Variants in ADGRB3 observed in about 807,000 individuals in gnomAD.
The protein encoded by ADGRB3 is adhesion G protein-coupled receptor B3.
ADGRB3 carries 37 observed loss-of-function variants against 193.4 expected under a neutral mutation model. The observed-to-expected ratio is 0.19, with a 90% CI of 0.15 to 0.25. ADGRB3 has a LOEUF of 0.25. Ranked by LOEUF, ADGRB3 falls within the 10% of genes least tolerant of loss-of-function variation. The probability of loss-of-function intolerance (pLI) is 1.00; values close to 1 mark genes in which losing one functional copy is unlikely to be tolerated. For synonymous variants in ADGRB3, 690 were observed against 644.2 expected, an observed-to-expected ratio of 1.07 and a Z score of -1.08; for missense variants, 1,637 against 1,852.9, an observed-to-expected ratio of 0.88 and a Z score of 2.14.
chr6:68,892,696 T>C (rs1233378126), intron 3 of ADGRB3, among the ~76,000 whole-genome samples: 1 of 152,130 alleles, frequency 6.6e-6, no homozygotes, highest in African/African-American at 2.4e-5. Flanking sequence ...CCAATACGAA[T>C]ATGTAACTAC....
intron 16 of ADGRB3, among the ~76,000 whole-genome samples, chr6:69,065,291 G>C (rs568503075): frequency 6.6e-5 from 10 of 152,188 alleles, no homozygotes; most frequent in African/African-American, 2.4e-4. Context: ...GTCTCTAGGC[G>C]CTCTTGTTTG....
At chr6:68,934,400 G>T (rs1349121854) in intron 4 of ADGRB3, among the ~76,000 whole-genome samples, 2 of 152,124 alleles carry the variant, frequency 1.3e-5, no homozygotes, top group Non-Finnish European at 2.9e-5. Context: ...TTGTACGAAA[G>T]TAATTTAAAT....
chr6:68,685,411 A>G (rs1300466328), intron 3 of ADGRB3, among the ~76,000 whole-genome samples: 1 of 152,134 alleles, frequency 6.6e-6, no homozygotes. Flanking sequence ...AAAGTTCAGT[A>G]TATGAGGTGG....
At chr6:69,331,977 A>G in intron 23 of ADGRB3, 1 of 985,130 alleles carries the variant, frequency 1.0e-6, no homozygotes, top group Non-Finnish European at 1.2e-6. Context: ...CATCTTCCTT[A>G]CGTTAGCAAC....
At chr6:68,724,362 G>A (rs1242080702) in intron 3 of ADGRB3, among the ~76,000 whole-genome samples, 1 of 151,494 alleles carries the variant, frequency 6.6e-6, no homozygotes, top group Non-Finnish European at 1.5e-5. Flanking sequence ...CTGACTTTTG[G>A]GAATGGCCAA....
chr6:69,321,513 T>A (rs1036197327), intron 20 of ADGRB3, among the ~76,000 whole-genome samples: 1 of 151,764 alleles, frequency 6.6e-6, no homozygotes, highest in African/African-American at 2.4e-5. Context: ...GTGATAGTGA[T>A]AATTGAACAG....
intron 4 of ADGRB3, among the ~76,000 whole-genome samples, chr6:68,933,083 A>G (rs1767387191): frequency 6.6e-6 from 1 of 150,622 alleles, no homozygotes; most frequent in Non-Finnish European, 1.5e-5. Context: ...ATTAAGGAAT[A>G]TAAAATTAAA....
chr6:68,985,556 A>G (rs1769046691), intron 10 of ADGRB3, among the ~76,000 whole-genome samples: 2 of 152,098 alleles, frequency 1.3e-5, no homozygotes, highest in African/African-American at 2.4e-5. Flanking sequence ...GTTCTGGTCA[A>G]TTGGTTGTGC....
Position 68,956,766 on chromosome 6 carries a change from A to G in ADGRB3, c.1482A>G (p.Gly494=), listed in dbSNP as rs568191754. 5 of 1,614,070 alleles carry G rather than the reference A, an allele frequency of 3.1e-6. No individual in the cohort carries two copies. Among genetic ancestry groups the G allele is most frequent in the Non-Finnish European group, 3.4e-6 (4 of 1,179,956 alleles). The change falls in exon 8 of 32, where the codon GGA becomes GGG. Residue 494 remains glycine, a synonymous_variant. Transcript: ENST00000370598. ...TGATAACAGGGCAGCAATGTGAAGG[A>G]ACGGGCGAAGAAGTGAGAAGATGCA... ...GAVITGQQCE[G]TGEEVRRCNE...
intron 3 of ADGRB3, among the ~76,000 whole-genome samples, chr6:68,683,898 T>A (rs1372094323): frequency 6.6e-6 from 1 of 152,180 alleles, no homozygotes; most frequent in Non-Finnish European, 1.5e-5. Flanking sequence ...GTGACAGATG[T>A]AAGTGCATAG....
At chr6:68,750,568 C>G (rs1160187839) in intron 3 of ADGRB3, among the ~76,000 whole-genome samples, 1 of 152,114 alleles carries the variant, frequency 6.6e-6, no homozygotes, top group East Asian at 1.9e-4. Flanking sequence ...TTATTTTTGC[C>G]TACAACTTTG....
chr6:69,107,899 G>A (rs77220798), intron 17 of ADGRB3, among the ~76,000 whole-genome samples: 9,236 of 152,102 alleles, frequency 0.061, 346 homozygotes, highest in South Asian at 0.11. Context: ...AGAAGGGAGA[G>A]GGAGGGAGGG....
intron 30 of ADGRB3, 97 bp from the exon 31 acceptor site, chr6:69,382,734 T>C (rs902927324): frequency 1.4e-5 from 11 of 811,172 alleles, no homozygotes; most frequent in African/African-American, 3.6e-5. Context: ...CTGCCAAACT[T>C]GATTACCCTT....
Position 68,654,258 on chromosome 6 carries a change from A to C in ADGRB3, c.757+14826A>C, listed in dbSNP as rs551801648. 7.9e-5 allele frequency among the ~76,000 whole-genome samples: 12 copies of C among 151,898 alleles called. No homozygotes were observed. In the East Asian group the frequency reaches 2.3e-3, roughly 30 times the overall value. ...TAGGCTGTTGTAAACTTTAAATAAG[A>C]CTCTGTGAGTTACTTAGTGGGGAGG... On this transcript the variant is annotated intron_variant, in intron 3 of 31. Transcript: ENST00000370598.
At chr6:69,208,083 T>C (rs1228393043) in intron 17 of ADGRB3, among the ~76,000 whole-genome samples, 3 of 152,182 alleles carry the variant, frequency 2.0e-5, no homozygotes, top group African/African-American at 7.2e-5. Context: ...CAGGTCAGCC[T>C]TGGTAAGTGT....
chr6:69,250,223 T>G (rs1450416669), intron 20 of ADGRB3, among the ~76,000 whole-genome samples: 1 of 152,238 alleles, frequency 6.6e-6, no homozygotes, highest in Non-Finnish European at 1.5e-5. Flanking sequence ...TGTTGCCAAT[T>G]AAATTCTATC....
At chr6:68,837,986 A>T (rs1562050485) in intron 3 of ADGRB3, among the ~76,000 whole-genome samples, 1 of 152,074 alleles carries the variant, frequency 6.6e-6, no homozygotes, top group Non-Finnish European at 1.5e-5. Context: ...CTGGATCTTG[A>T]TTTTCCCACA....
chr6:68,640,873 AG>A (rs1216866309), intron 3 of ADGRB3, among the ~76,000 whole-genome samples: 2 of 152,200 alleles, frequency 1.3e-5, no homozygotes, highest in Non-Finnish European at 2.9e-5. Flanking sequence ...GCAGTGAGAG[AG>A]GGGTGAAAAC....
intron 10 of ADGRB3, among the ~76,000 whole-genome samples, chr6:68,987,267 T>C (rs928034996): frequency 9.2e-5 from 14 of 152,172 alleles, no homozygotes; most frequent in African/African-American, 2.9e-4. Context: ...AATGGAGTCC[T>C]TAAGGTAACC....
Sources: allele counts gnomAD v4.1 joint callset (sites outside exome capture counted in the v4.1 genomes callset), GRCh38; gene constraint gnomAD v4.1.1; transcripts MANE v1.5; gene names NCBI Gene and HGNC (gene_info 2026-07-23, HGNC 2026-07-21).